Variants in PCDHA6 observed in about 807,000 individuals in gnomAD.
PCDHA6 encodes protocadherin alpha-6.
A neutral mutation model predicts 60.3 loss-of-function variants in PCDHA6; 55 were observed. The observed-to-expected ratio is 0.91, with a 90% CI of 0.73 to 1.14. The LOEUF (loss-of-function observed/expected upper bound fraction) is 1.14, where lower values mean the gene tolerates loss of function less well. Ranked by LOEUF, PCDHA6 falls within the 50% of genes most tolerant of loss-of-function variation. The pLI, the probability that PCDHA6 is intolerant of heterozygous loss-of-function variation, is 0.00. For synonymous variants in PCDHA6, 652 were observed against 557.9 expected, an observed-to-expected ratio of 1.17 and a Z score of -2.38; for missense variants, 1,327 against 1,256.5, an observed-to-expected ratio of 1.06 and a Z score of -0.85.
chr5:141,002,080 C>A (rs1220737696), intron 3 of PCDHA6, among the ~76,000 whole-genome samples: 1 of 152,236 alleles, frequency 6.6e-6, no homozygotes, highest in Non-Finnish European at 1.5e-5. Context: ...CGCCAAAGAA[C>A]GAGCAGTCCA....
At chr5:140,836,139 G>T (rs2150253761) in intron 1 of PCDHA6, 1 of 1,613,778 alleles carries the variant, frequency 6.2e-7, no homozygotes, top group Middle Eastern at 1.6e-4. Context: ...GCGGTCTGTG[G>T]GCGCGGGCCA....
intron 1 of PCDHA6, among the ~76,000 whole-genome samples, chr5:140,964,252 T>C (rs569615423): frequency 4.6e-5 from 7 of 152,332 alleles, no homozygotes; most frequent in African/African-American, 1.7e-4. Context: ...GGCTTTATAT[T>C]TGACTCCTTA....
intron 1 of PCDHA6, chr5:140,882,644 A>G (rs368491324): frequency 1.9e-6 from 3 of 1,614,138 alleles, no homozygotes; most frequent in Admixed American, 1.7e-5. Flanking sequence ...GGTGAGGGAC[A>G]TTAACGACAA....
chr5:140,873,878 C>T (rs926010571), intron 1 of PCDHA6, among the ~76,000 whole-genome samples: 2 of 152,196 alleles, frequency 1.3e-5, no homozygotes, highest in African/African-American at 4.8e-5. Context: ...CCAGGCTGGT[C>T]TTGAACTCCT....
chr5:140,875,864 C>G (rs781972677), intron 1 of PCDHA6: 2 of 1,614,168 alleles, frequency 1.2e-6, no homozygotes, highest in South Asian at 1.1e-5. Context: ...GACAACCCGC[C>G]GGTGTTCAGA....
At chr5:140,875,991 T>C in intron 1 of PCDHA6, 2 of 1,613,966 alleles carry the variant, frequency 1.2e-6, no homozygotes, top group South Asian at 2.2e-5. Context: ...ATGCGTTAAG[T>C]CTAAATGAGA....
intron 1 of PCDHA6, chr5:140,835,375 C>A (rs2150234654): frequency 1.9e-6 from 3 of 1,613,974 alleles, no homozygotes; most frequent in South Asian, 1.1e-5. Context: ...CCACCCCTGG[C>A]TGGTCATTGT....
intron 1 of PCDHA6, among the ~76,000 whole-genome samples, chr5:140,942,239 T>C (rs1554214876): frequency 6.6e-6 from 1 of 152,156 alleles, no homozygotes; most frequent in African/African-American, 2.4e-5. Context: ...AAATAAGATA[T>C]CCATATCATT....
chr5:140,903,349 A>T (rs1191077377), intron 1 of PCDHA6, among the ~76,000 whole-genome samples: 1 of 152,240 alleles, frequency 6.6e-6, no homozygotes, highest in Non-Finnish European at 1.5e-5. Flanking sequence ...ATTTTAAAAA[A>T]CAAGTTTTTC....
chr5:140,876,536 TG>T (rs781943442), intron 1 of PCDHA6: 1 of 1,614,238 alleles, frequency 6.2e-7, no homozygotes, highest in South Asian at 1.1e-5. Flanking sequence ...GTTACTTCAC[TG>T]TCGCTCCCTG....
intron 1 of PCDHA6, chr5:140,857,784 T>A (rs782611887): frequency 6.3e-7 from 1 of 1,597,680 alleles, no homozygotes; most frequent in South Asian, 1.1e-5. Flanking sequence ...GTCAGTGAGC[T>A]GGTGCTGCGG....
chr5:141,010,058 C>T lies in PCDHA6; in HGVS notation c.*121C>T. On this transcript the variant is annotated 3_prime_UTR_variant, in exon 4 of 4. Transcript: ENST00000529310. Reference sequence around the variant, plus strand: ...GAGCCCTCTTAGAGACCTCAGAAATCTGCAGAAAGTTCCCTGTGTCTGTCT... The same window carrying T: ...GAGCCCTCTTAGAGACCTCAGAAATTTGCAGAAAGTTCCCTGTGTCTGTCT... 6.2e-7 allele frequency: 1 copy of T among 1,601,100 alleles called. No homozygotes were observed. Among genetic ancestry groups the T allele is most frequent in the Non-Finnish European group, 8.5e-7 (1 of 1,173,728 alleles).
At chr5:140,992,020 TGTGTG>T (rs1460938904) in intron 3 of PCDHA6, among the ~76,000 whole-genome samples, 1 of 51,270 alleles carries the variant, frequency 2.0e-5, no homozygotes, top group African/African-American at 5.9e-5. Flanking sequence ...GGTGGCTCTG[TGTGTG>T]TGTGTGTGTG....
intron 1 of PCDHA6, among the ~76,000 whole-genome samples, chr5:140,935,749 A>G (rs1245640487): frequency 6.6e-6 from 1 of 152,172 alleles, no homozygotes; most frequent in African/African-American, 2.4e-5. Flanking sequence ...ATTCCATACA[A>G]TACACATTCT....
intron 1 of PCDHA6, chr5:140,877,704 C>A: frequency 6.2e-7 from 1 of 1,613,954 alleles, no homozygotes; most frequent in Non-Finnish European, 8.5e-7. Context: ...GCTCCAGCGC[C>A]GTGGGGAGTT....
Position 140,858,255 on chromosome 5 carries a change from C to T in PCDHA6, c.2394+27770C>T, listed in dbSNP as rs782505724. On this transcript the variant is annotated intron_variant, in intron 1 of 3. Coordinates refer to ENST00000529310, the MANE Select transcript of PCDHA6 (RefSeq NM_018909.4). ...GGCGCATGTGGGCCGGTGAAGCCCA[C>T]GCTGGTGTGCTCTAGCGCGGTGGGG... The T allele has an allele frequency of 1.9e-6, 3 of 1,596,960 alleles. No individual in the cohort carries two copies. In the South Asian group the frequency reaches 3.3e-5, roughly 18 times the overall value.
chr5:140,880,800 T>A (rs1453041032), intron 1 of PCDHA6, among the ~76,000 whole-genome samples: 1 of 152,130 alleles, frequency 6.6e-6, no homozygotes, highest in Admixed American at 6.6e-5. Context: ...TATAAATAGG[T>A]GAATGACTCT....
At chr5:140,971,641 C>T (rs1554233513) in intron 1 of PCDHA6, among the ~76,000 whole-genome samples, 1 of 152,078 alleles carries the variant, frequency 6.6e-6, no homozygotes, top group African/African-American at 2.4e-5. Context: ...CATGTGCCTA[C>T]ATTAAAAGTA....
chr5:140,931,966 A>G (rs1554208694), intron 1 of PCDHA6, among the ~76,000 whole-genome samples: 1 of 151,950 alleles, frequency 6.6e-6, no homozygotes, highest in African/African-American at 2.4e-5. Context: ...ATGTTGATGC[A>G]TATGTGTTTA....
Sources: gnomAD v4.1 joint callset for allele counts (sites outside exome capture counted in the v4.1 genomes callset) on GRCh38, gnomAD v4.1.1 for gene constraint, MANE v1.5 for transcripts, NCBI Gene and HGNC (gene_info 2026-07-23, HGNC 2026-07-21) for gene names.